The following SLC52A1 variants were observed in gnomAD, a reference collection of about 807,000 sequenced individuals.
SLC52A1 encodes the protein solute carrier family 52, riboflavin transporter, member 1.
In SLC52A1, 20 loss-of-function variants were observed where a neutral mutation model predicts 23.2. The ratio of observed to expected loss-of-function variants is 0.86; its 90% CI spans 0.61 to 1.25. The LOEUF (loss-of-function observed/expected upper bound fraction) is 1.25, where lower values mean the gene tolerates loss of function less well. SLC52A1 is among the 50% of genes most tolerant of loss of function. SLC52A1 has a pLI of 0.00. For missense variants in SLC52A1, 528 were observed against 557.0 expected, an observed-to-expected ratio of 0.95 and a Z score of 0.52; for synonymous variants, 260 against 256.6, an observed-to-expected ratio of 1.01 and a Z score of -0.13.
chr17:5,035,764 G>T (rs928201882), upstream of SLC52A1, among the ~76,000 whole-genome samples: 1 of 150,320 alleles, frequency 6.7e-6, no homozygotes, highest in East Asian at 2.0e-4. Flanking sequence ...GCGCGATCGC[G>T]GCTCACTACA....
chr17:5,033,495 T>C lies in SLC52A1; in HGVS notation c.994A>G (p.Met332Val), dbSNP rs552183390. The change falls in exon 3 of 5, where the codon ATG becomes GTG. Residue 332 changes from methionine to valine, a missense_variant. Physicochemically the swap from Met to Val is conservative, Grantham distance 21. Coordinates refer to ENST00000254853, the MANE Select transcript of SLC52A1 (RefSeq NM_017986.4). ...CTTTTGCACCTGCACAGCACGCCCATGGCCAGGAAGCAGGCAAGGGGGTTG... is the reference window on the plus strand; with the variant it reads ...CTTTTGCACCTGCACAGCACGCCCACGGCCAGGAAGCAGGCAAGGGGGTTG... Reference protein sequence around the residue: ...AANPLACFLAMGVLCRSLAGL... With the variant: ...AANPLACFLAVGVLCRSLAGL... The C allele has an allele frequency of 8.1e-6, 13 of 1,612,292 alleles. No individual in the cohort carries two copies. In the East Asian group the frequency reaches 2.7e-4, roughly 33 times the overall value.
chr17:5,038,736 A>G (rs1009222058), upstream of SLC52A1, among the ~76,000 whole-genome samples: 15 of 151,676 alleles, frequency 9.9e-5, no homozygotes, highest in South Asian at 4.2e-4. Flanking sequence ...ACAGGCGCCC[A>G]CCACCACACC....
chr17:5,033,417 T>C (rs1229401370), intron 3 of SLC52A1, 33 bp from the exon 4 acceptor site: 4 of 1,613,192 alleles, frequency 2.5e-6, no homozygotes. Context: ...CAGGGCTGGC[T>C]GTTCTGGGAC....
At chr17:5,036,901 C>G (rs1289186334), upstream of SLC52A1, among the ~76,000 whole-genome samples, 1 of 152,098 alleles carries the variant, frequency 6.6e-6, no homozygotes, top group African/African-American at 2.4e-5. Flanking sequence ...CTCACTGCAG[C>G]CTCAAATACC....
chr17:5,041,943 C>G (rs1424429279), intron 1 of SLC52A1, among the ~76,000 whole-genome samples: 8 of 151,800 alleles, frequency 5.3e-5, no homozygotes, highest in African/African-American at 1.9e-4. Context: ...ACTGTGTTTC[C>G]CAGACTGGTC....
chr17:5,041,331 C>T (rs539544373), intron 1 of SLC52A1, among the ~76,000 whole-genome samples: 11 of 150,102 alleles, frequency 7.3e-5, no homozygotes, highest in South Asian at 4.2e-4. Flanking sequence ...TGCCCAGGTT[C>T]GAGTGCAGTG....
In SLC52A1 at chr17:5,032,846, A is replaced by G. The variant is rs927546132; in HGVS notation, c.*111T>C. ...TCTTCTGTGGAGTGTGCAGGTGTCCATGAGCGTTCCTGTGTTGGGGGAAGC... is the reference window on the plus strand; with the variant it reads ...TCTTCTGTGGAGTGTGCAGGTGTCCGTGAGCGTTCCTGTGTTGGGGGAAGC... On this transcript the variant is annotated 3_prime_UTR_variant, in exon 5 of 5. Transcript: ENST00000254853. 5.1e-6 allele frequency: 5 copies of G among 976,362 alleles called. No individual in the cohort carries two copies. The highest frequency in any genetic ancestry group is 1.5e-5 in the South Asian group (1 of 65,542). 60.5% of individuals were successfully genotyped at this position (976,362 alleles called of 1,614,324 possible).
chr17:5,039,211 T>C (rs1437439436), upstream of SLC52A1, among the ~76,000 whole-genome samples: 2 of 151,322 alleles, frequency 1.3e-5, no homozygotes, highest in Non-Finnish European at 2.9e-5. Context: ...TAGTCCCAGC[T>C]TCTTGGGAGG....
upstream of SLC52A1, among the ~76,000 whole-genome samples, chr17:5,036,558 C>A (rs1168077142): frequency 6.6e-6 from 1 of 151,626 alleles, no homozygotes; most frequent in East Asian, 1.9e-4. Flanking sequence ...ATTACAGACG[C>A]CTGCCACCAC....
upstream of SLC52A1, among the ~76,000 whole-genome samples, chr17:5,038,603 T>G (rs1975504699): frequency 6.6e-6 from 1 of 152,038 alleles, no homozygotes; most frequent in East Asian, 1.9e-4. Context: ...TTTTTTTTTT[T>G]CGAGACAGAG....
chr17:5,036,574 G>A (rs1975465731), upstream of SLC52A1, among the ~76,000 whole-genome samples: 1 of 151,418 alleles, frequency 6.6e-6, no homozygotes, highest in Non-Finnish European at 1.5e-5. Flanking sequence ...ACCACGCCTG[G>A]ATAATTTTTG....
Position 5,033,964 on chromosome 17 carries a change from C to T in SLC52A1, c.525G>A (p.Ala175=), listed in dbSNP as rs561867564. Residue 175 remains alanine, a synonymous_variant, in exon 3 of 5, where the codon GCG becomes GCA. Transcript: ENST00000254853. ...GAGGCCCAGAGGTGCCATTGGTGGG[C>T]GCTGGTGGGCACTCGAGGCGGCCCA... ...QGVGRLECPP[A]PTNGTSGPPL... 1.8e-5 allele frequency: 29 copies of T among 1,614,070 alleles called. No homozygotes were observed. Among genetic ancestry groups the T allele is most frequent in the African/African-American group, 5.3e-5 (4 of 75,032 alleles).
At chr17:5,037,339 G>A (rs1361480903), upstream of SLC52A1, among the ~76,000 whole-genome samples, 2 of 152,046 alleles carry the variant, frequency 1.3e-5, no homozygotes, top group Non-Finnish European at 2.9e-5. Context: ...GGCCAACATG[G>A]TGAACCCCGT....
Position 5,033,730 on chromosome 17 carries a change from C to G in SLC52A1, c.759G>C (p.Leu253Phe), listed in dbSNP as rs774272078. The change falls in exon 3 of 5, where the codon TTG becomes TTC. Residue 253 changes from leucine (L) to phenylalanine (F), a missense_variant. By Grantham distance (22) the Leu-to-Phe change is conservative (BLOSUM62 0). Transcript: ENST00000254853. ...EEKEEEEALP[L>F]QEPPSQAAGT... ...CTGCTGCCTGGCTCGGTGGCTCCTG[C>G]AATGGCAAAGCCTCTTCTTCCTCCT... 4 of 1,614,102 alleles carry G rather than the reference C, an allele frequency of 2.5e-6. No individual in the cohort carries two copies. Among genetic ancestry groups the G allele is most frequent in the East Asian group, 4.5e-5 (2 of 44,886 alleles).
chr17:5,034,359 C>A lies in SLC52A1; in HGVS notation c.131-1G>T. ...GAGAGGTATGAGGGGAGGCTCCAACCTGCAGGGAAGGAATGATGCCATGTC... is the reference window on the plus strand; with the variant it reads ...GAGAGGTATGAGGGGAGGCTCCAACATGCAGGGAAGGAATGATGCCATGTC... On this transcript the variant is annotated splice_acceptor_variant, in intron 2 of 4. Coordinates refer to ENST00000254853, the MANE Select transcript of SLC52A1 (RefSeq NM_017986.4). LOFTEE classifies it high-confidence loss of function. 6.3e-7 allele frequency: 1 copy of A among 1,581,526 alleles called. No individual in the cohort carries two copies. Among genetic ancestry groups the A allele is most frequent in the Non-Finnish European group, 8.6e-7 (1 of 1,163,110 alleles).
At chr17:5,041,385 T>C (rs1975543600) in intron 1 of SLC52A1, among the ~76,000 whole-genome samples, 1 of 152,074 alleles carries the variant, frequency 6.6e-6, no homozygotes, top group Non-Finnish European at 1.5e-5. Context: ...TGGGTTCAAG[T>C]GATTCTCCCA....
In SLC52A1 at chr17:5,033,144, C is replaced by T. The variant is rs769181975; in HGVS notation, c.1160G>A (p.Cys387Tyr). The change falls in exon 5 of 5, where the codon TGT becomes TAT. Residue 387 changes from cysteine (C) to tyrosine (Y), a missense_variant. Transcript: ENST00000254853. ...LVVLSWVLCL[C>Y]VFSYVKVAAS... ...AGCCACCTTCACATATGAGAACACA[C>T]ACAGACACAGCACCCACGACAGCAC... The T allele has an allele frequency of 5.6e-6, 9 of 1,613,812 alleles. No homozygotes were observed. The highest frequency in any genetic ancestry group is 6.8e-6 in the Non-Finnish European group (8 of 1,180,036).
intron 2 of SLC52A1, 40 bp from the exon 3 acceptor site, chr17:5,034,398 C>T (rs1227820145): frequency 1.9e-6 from 3 of 1,600,740 alleles, no homozygotes; most frequent in Admixed American, 1.7e-5. Flanking sequence ...AGCACAGTGG[C>T]TAAGGGACAA....
rs545548861 is a variant in SLC52A1, at chr17:5,032,669, G to A, written c.*288C>T. ...TATATTTCTTATAAGGTTTTCATTA[G>A]GCTTTTGTTTTTGTTTTTGGTTTTA... On this transcript the variant is annotated 3_prime_UTR_variant, in exon 5 of 5. Transcript: ENST00000254853. 1.1e-4 allele frequency: 37 copies of A among 342,994 alleles called. No homozygotes were observed. The highest frequency in any genetic ancestry group is 8.2e-4 in the Middle Eastern group (1 of 1,216). 21.2% of individuals were successfully genotyped at this position (342,994 alleles called of 1,614,324 possible). A position where few individuals can be genotyped will look rare whatever the true frequency, so the allele number is the denominator to read the frequency against.
Sources: allele counts gnomAD v4.1 joint callset (sites outside exome capture counted in the v4.1 genomes callset), GRCh38; gene constraint gnomAD v4.1.1; transcripts MANE v1.5; gene names NCBI Gene and HGNC (gene_info 2026-07-23, HGNC 2026-07-21).